Variants in SDK1 observed in about 807,000 individuals in gnomAD.
SDK1 encodes the protein protein sidekick-1.
A neutral mutation model predicts 245.5 loss-of-function variants in SDK1; 157 were observed. The observed-to-expected ratio is 0.64, with a 90% CI of 0.56 to 0.73. The LOEUF (loss-of-function observed/expected upper bound fraction) is 0.73, where lower values mean the gene tolerates loss of function less well. Ranked by LOEUF, SDK1 falls within the 30% of genes least tolerant of loss-of-function variation. SDK1 has a pLI of 0.00. For missense variants in SDK1, 3,583 were observed against 3,002.3 expected, an observed-to-expected ratio of 1.19 and a Z score of -4.52; for synonymous variants, 1,647 against 1,278.5, an observed-to-expected ratio of 1.29 and a Z score of -6.15.
intron 1 of SDK1, among the ~76,000 whole-genome samples, chr7:3,476,605 T>C (rs1395392805): frequency 6.6e-6 from 1 of 152,234 alleles, no homozygotes; most frequent in East Asian, 1.9e-4. Context: ...ATGCCATTGT[T>C]TTTTGATTCT....
intron 4 of SDK1, among the ~76,000 whole-genome samples, chr7:3,737,427 A>C (rs1291097154): frequency 6.6e-6 from 1 of 152,180 alleles, no homozygotes; most frequent in Non-Finnish European, 1.5e-5. Context: ...ATTTCAGGCT[A>C]TGCTGCTCTG....
chr7:3,597,512 T>A (rs1781105651), intron 1 of SDK1, among the ~76,000 whole-genome samples: 1 of 152,144 alleles, frequency 6.6e-6, no homozygotes, highest in Admixed American at 6.5e-5. Flanking sequence ...GTTGGTTACT[T>A]CAGGTTGCTT....
chr7:3,762,825 T>C lies in SDK1; in HGVS notation c.714-58625T>C, dbSNP rs185497803. 3.5e-3 allele frequency among the ~76,000 whole-genome samples: 529 copies of C among 152,368 alleles called. 3 individuals carry two copies. The highest frequency in any genetic ancestry group is 0.016 in the South Asian group (77 of 4,826). ...ATTTATGTAGTTTTTGTTTCCGTAG[T>C]ATGACAGTATGAATATGTTATAAAA... is the stretch of plus-strand genomic sequence containing the variant. On this transcript the variant is annotated intron_variant, in intron 4 of 44. Transcript: ENST00000404826.
In SDK1 at chr7:4,077,040, G is replaced by T. The variant is rs777047624; in HGVS notation, c.3053G>T (p.Arg1018Leu). 6.2e-7 allele frequency: 1 copy of T among 1,614,122 alleles called. No homozygotes were observed. The highest frequency in any genetic ancestry group is 2.2e-5 in the East Asian group (1 of 44,874). ...GAAGTGTACGGCAGGAACGACTCTCGTCTCACGCACACCCTGAACAGCACG... is the reference window on the plus strand; with the variant it reads ...GAAGTGTACGGCAGGAACGACTCTCTTCTCACGCACACCCTGAACAGCACG... ...SWEVYGRNDS[R>L]LTHTLNSTTH... The change falls in exon 21 of 45, where the codon CGT (arginine) becomes CTT (leucine). Residue 1018 changes from arginine (R) to leucine (L), a missense_variant. By Grantham distance (102) the Arg-to-Leu change is moderately radical (BLOSUM62 -2). Coordinates refer to ENST00000404826, the MANE Select transcript of SDK1 (RefSeq NM_152744.4).
At chr7:3,495,404 G>T (rs1050279826) in intron 1 of SDK1, among the ~76,000 whole-genome samples, 2 of 151,788 alleles carry the variant, frequency 1.3e-5, no homozygotes, top group Non-Finnish European at 2.9e-5. Flanking sequence ...ATTACAGCCT[G>T]TGTGACGCCA....
chr7:3,767,208 G>T (rs1780278788), intron 4 of SDK1, among the ~76,000 whole-genome samples: 1 of 152,096 alleles, frequency 6.6e-6, no homozygotes. Context: ...GGAGGGAGGG[G>T]TGGGCCCTCA....
At chr7:4,190,710 G>A (rs1783148544) in intron 35 of SDK1, among the ~76,000 whole-genome samples, 1 of 152,264 alleles carries the variant, frequency 6.6e-6, no homozygotes, top group South Asian at 2.1e-4. Flanking sequence ...ATGCCAGGGA[G>A]TATTTCAGAA....
At chr7:4,056,393 A>G (rs1779197585) in intron 19 of SDK1, among the ~76,000 whole-genome samples, 1 of 152,116 alleles carries the variant, frequency 6.6e-6, no homozygotes, top group Non-Finnish European at 1.5e-5. Context: ...CTCCTTCATA[A>G]AGAAGAACAA....
chr7:3,902,388 G>A (rs1781820695), intron 5 of SDK1, among the ~76,000 whole-genome samples: 1 of 152,100 alleles, frequency 6.6e-6, no homozygotes, highest in African/African-American at 2.4e-5. Context: ...ACACAAAATT[G>A]TTTTTGGAAT....
intron 5 of SDK1, among the ~76,000 whole-genome samples, chr7:3,904,139 A>C (rs1309496873): frequency 6.6e-6 from 1 of 152,242 alleles, no homozygotes; most frequent in Non-Finnish European, 1.5e-5. Flanking sequence ...GTGGTACAAG[A>C]TAGATGAACC....
chr7:3,373,660 C>G (rs1034150141), intron 1 of SDK1, among the ~76,000 whole-genome samples: 3 of 151,220 alleles, frequency 2.0e-5, no homozygotes, highest in African/African-American at 7.3e-5. Flanking sequence ...ATGTGCGATA[C>G]TTTACTTGGC....
At chr7:3,399,640 G>A (rs1778828818) in intron 1 of SDK1, among the ~76,000 whole-genome samples, 1 of 152,128 alleles carries the variant, frequency 6.6e-6, no homozygotes, top group South Asian at 2.1e-4. Context: ...ATCTCATAAA[G>A]TTTATTTTCT....
chr7:3,871,498 T>C (rs1780955542), intron 5 of SDK1, among the ~76,000 whole-genome samples: 1 of 152,220 alleles, frequency 6.6e-6, no homozygotes, highest in African/African-American at 2.4e-5. Flanking sequence ...CTGGGTGATT[T>C]ATAAAGAAAA....
At chr7:3,792,184 C>G (rs1781115728) in intron 4 of SDK1, among the ~76,000 whole-genome samples, 1 of 152,060 alleles carries the variant, frequency 6.6e-6, no homozygotes. Flanking sequence ...AACTGGGCCT[C>G]TCATAACTGC....
intron 5 of SDK1, among the ~76,000 whole-genome samples, chr7:3,906,966 G>A (rs945597146): frequency 2.6e-5 from 4 of 152,070 alleles, no homozygotes; most frequent in African/African-American, 4.8e-5. Flanking sequence ...AGCGCATGCT[G>A]TCTTCTTTTC....
intron 17 of SDK1, among the ~76,000 whole-genome samples, chr7:4,041,423 T>C (rs1258551229): frequency 2.0e-5 from 3 of 152,132 alleles, no homozygotes; most frequent in African/African-American, 7.2e-5. Context: ...GTGGTACCTT[T>C]CTTATGAGCA....
chr7:4,102,289 G>A (rs2128187607), intron 22 of SDK1, among the ~76,000 whole-genome samples: 1 of 152,262 alleles, frequency 6.6e-6, no homozygotes, highest in South Asian at 2.1e-4. Flanking sequence ...CTCTCAGGAG[G>A]TTTCATTTGG....
chr7:4,195,275 G>A (rs940735568), intron 35 of SDK1, among the ~76,000 whole-genome samples: 3 of 152,258 alleles, frequency 2.0e-5, no homozygotes, highest in Non-Finnish European at 2.9e-5. Flanking sequence ...ATAGTCACGC[G>A]ATGCGCTGCT....
At chr7:4,192,262 C>A (rs1273033818) in intron 35 of SDK1, among the ~76,000 whole-genome samples, 1 of 151,872 alleles carries the variant, frequency 6.6e-6, no homozygotes, top group Non-Finnish European at 1.5e-5. Context: ...ATCTTTTTTG[C>A]AGCAGATTTT....
Sources: allele counts gnomAD v4.1 joint callset (sites outside exome capture counted in the v4.1 genomes callset), GRCh38; gene constraint gnomAD v4.1.1; transcripts MANE v1.5; gene names NCBI Gene and HGNC (gene_info 2026-07-23, HGNC 2026-07-21).